GALNT17: variants seen among roughly 807,000 people sequenced by gnomAD.
GALNT17 encodes polypeptide N-acetylgalactosaminyltransferase 17.
In GALNT17, 29 loss-of-function variants were observed where a neutral mutation model predicts 63.7. The observed-to-expected ratio is 0.46, with a 90% CI of 0.34 to 0.62. The LOEUF is 0.62. Ranked by LOEUF, GALNT17 falls within the 20% of genes least tolerant of loss-of-function variation. The pLI, the probability that GALNT17 is intolerant of heterozygous loss-of-function variation, is 0.01. For synonymous variants in GALNT17, 305 were observed against 318.3 expected (o/e 0.96, Z 0.45); for missense variants, 603 against 799.6 (o/e 0.75, Z 2.97).
chr7:71,319,894 A>G (rs1019600963), intron 1 of GALNT17, among the ~76,000 whole-genome samples: 1 of 152,068 alleles, frequency 6.6e-6, no homozygotes, highest in African/African-American at 2.4e-5. Flanking sequence ...CATGTGTCTC[A>G]TGCTTCTTGG....
At chr7:71,325,371 TAG>T (rs925852633) in intron 1 of GALNT17, among the ~76,000 whole-genome samples, 4 of 151,948 alleles carry the variant, frequency 2.6e-5, no homozygotes, top group Non-Finnish European at 5.9e-5. Flanking sequence ...CTCTTTGGCT[TAG>T]AGAGAGAGAG....
intron 1 of GALNT17, among the ~76,000 whole-genome samples, chr7:71,334,369 G>C (rs1791860875): frequency 6.6e-6 from 1 of 152,116 alleles, no homozygotes; most frequent in Non-Finnish European, 1.5e-5. Context: ...GGCTGTGAAA[G>C]CCAAGGAGGC....
chr7:71,262,534 T>TA (rs1790403989), intron 1 of GALNT17, among the ~76,000 whole-genome samples: 1 of 152,172 alleles, frequency 6.6e-6, no homozygotes, highest in African/African-American at 2.4e-5. Flanking sequence ...ATTCCTATGT[T>TA]AAAGTCCTAA....
At chr7:71,389,458 C>G (rs2116346846) in intron 3 of GALNT17, among the ~76,000 whole-genome samples, 1 of 152,112 alleles carries the variant, frequency 6.6e-6, no homozygotes, top group East Asian at 1.9e-4. Flanking sequence ...TTATGAGAAT[C>G]TAATGTCTGA....
chr7:71,358,042 C>G (rs959412504), intron 2 of GALNT17, among the ~76,000 whole-genome samples: 1 of 152,146 alleles, frequency 6.6e-6, no homozygotes, highest in African/African-American at 2.4e-5. Flanking sequence ...CGCTCGGGTC[C>G]CCTTCCATGC....
intron 5 of GALNT17, among the ~76,000 whole-genome samples, chr7:71,438,058 T>C (rs1420211082): frequency 1.3e-5 from 2 of 152,202 alleles, no homozygotes; most frequent in African/African-American, 2.4e-5. Context: ...AATTTTGATA[T>C]TCAGTTTACT....
chr7:71,645,258 C>T (rs1257776261), intron 6 of GALNT17, among the ~76,000 whole-genome samples: 1 of 152,174 alleles, frequency 6.6e-6, no homozygotes. Context: ...TGGTTCGGTT[C>T]TATGTTGCCA....
intron 5 of GALNT17, among the ~76,000 whole-genome samples, chr7:71,497,171 C>T (rs1345321448): frequency 1.3e-5 from 2 of 152,140 alleles, no homozygotes; most frequent in East Asian, 3.9e-4. Flanking sequence ...AACTGGGAGC[C>T]AGGACTGGAT....
chr7:71,176,027 T>A (rs149979815), intron 1 of GALNT17, among the ~76,000 whole-genome samples: 24 of 152,284 alleles, frequency 1.6e-4, no homozygotes, highest in Middle Eastern at 3.4e-3. Context: ...TGTAGTCATT[T>A]GAAGCCTGTC....
intron 1 of GALNT17, among the ~76,000 whole-genome samples, chr7:71,151,513 C>T (rs1366468627): frequency 5.3e-5 from 8 of 151,106 alleles, no homozygotes; most frequent in African/African-American, 1.5e-4. Flanking sequence ...CCCAGCTACT[C>T]GGGAGGCTGA....
At chr7:71,701,519 G>A (rs1192594399) in intron 9 of GALNT17, among the ~76,000 whole-genome samples, 1 of 151,448 alleles carries the variant, frequency 6.6e-6, no homozygotes, top group East Asian at 1.9e-4. Flanking sequence ...TGACATTTAA[G>A]CAGAAACTTG....
intron 6 of GALNT17, among the ~76,000 whole-genome samples, chr7:71,591,754 C>T (rs962081669): frequency 3.3e-5 from 5 of 151,918 alleles, no homozygotes; most frequent in African/African-American, 1.2e-4. Flanking sequence ...CCTCTGCCTC[C>T]CAGATTCCAG....
chr7:71,596,888 A>G (rs1357762528), intron 6 of GALNT17, among the ~76,000 whole-genome samples: 1 of 151,982 alleles, frequency 6.6e-6, no homozygotes, highest in African/African-American at 2.4e-5. Context: ...CCATCTGTGT[A>G]CAACAAAATG....
Position 71,557,529 on chromosome 7 carries a change from C to T in GALNT17, c.963-13756C>T, listed in dbSNP as rs148055619. ...ACCTTCCTAGCTGGGTGCAGTGGCT[C>T]ATGCCTGTGATCTAGCAATTTGAGA... On this transcript the variant is annotated intron_variant, in intron 5 of 10. Transcript: ENST00000333538. Among the ~76,000 whole-genome samples the T allele has an allele frequency of 3.4e-3, 522 of 152,292 alleles. 7 individuals are homozygous for T. Among genetic ancestry groups the T allele is most frequent in the African/African-American group, 0.012 (494 of 41,546 alleles).
intron 1 of GALNT17, among the ~76,000 whole-genome samples, chr7:71,324,282 C>T (rs114493461): frequency 1.3e-5 from 2 of 151,976 alleles, no homozygotes; most frequent in African/African-American, 4.8e-5. Flanking sequence ...CTCAAGTAAG[C>T]GGTGGCTTGA....
intron 1 of GALNT17, among the ~76,000 whole-genome samples, chr7:71,217,626 CGTT>C (rs1789509355): frequency 1.3e-5 from 2 of 151,982 alleles, no homozygotes; most frequent in Admixed American, 6.6e-5. Context: ...TGTACATAGT[CGTT>C]GTTAAAAAAA....
At chr7:71,478,798 T>C (rs1787766186) in intron 5 of GALNT17, among the ~76,000 whole-genome samples, 1 of 152,198 alleles carries the variant, frequency 6.6e-6, no homozygotes, top group Admixed American at 6.5e-5. Flanking sequence ...CCCATCCTGA[T>C]GACAAGAAGG....
intron 1 of GALNT17, among the ~76,000 whole-genome samples, chr7:71,183,099 G>A (rs1160844330): frequency 6.6e-6 from 1 of 152,118 alleles, no homozygotes; most frequent in Non-Finnish European, 1.5e-5. Context: ...GAGTGAAAGG[G>A]GCTTTTTCAA....
At chr7:71,618,219 A>G (rs907979978) in intron 6 of GALNT17, among the ~76,000 whole-genome samples, 19 of 152,126 alleles carry the variant, frequency 1.2e-4, no homozygotes, top group African/African-American at 7.2e-5. Flanking sequence ...TCTACCATTA[A>G]TGGGCTCTTG....
Sources: gnomAD v4.1 joint callset for allele counts (sites outside exome capture counted in the v4.1 genomes callset) on GRCh38, gnomAD v4.1.1 for gene constraint, MANE v1.5 for transcripts, NCBI Gene and HGNC (gene_info 2026-07-23, HGNC 2026-07-21) for gene names.